RHOF: variants seen among roughly 807,000 people sequenced by gnomAD.
The protein encoded by RHOF is ras homolog family member F, filopodia associated, also known as rho-related GTP-binding protein RhoF.
RHOF carries 21 observed loss-of-function variants against 22.2 expected under a neutral mutation model. The ratio of observed to expected loss-of-function variants is 0.95; its 90% CI spans 0.67 to 1.36. The LOEUF (loss-of-function observed/expected upper bound fraction) is 1.36. RHOF is among the 40% of genes most tolerant of loss of function. RHOF has a pLI of 0.00. For missense variants in RHOF, 285 were observed against 293.7 expected (o/e 0.97, Z 0.22); for synonymous variants, 135 against 131.2 (o/e 1.03, Z -0.20).
chr12:121,791,110 G>T (rs1248536523), intron 2 of RHOF, among the ~76,000 whole-genome samples: 2 of 151,938 alleles, frequency 1.3e-5, no homozygotes, highest in Non-Finnish European at 2.9e-5. Flanking sequence ...CTGGCTTCAA[G>T]CAATCCTCCT....
At chr12:121,793,367 T>C in intron 1 of RHOF, 128 bp from the exon 2 acceptor site, 1 of 1,438,670 alleles carries the variant, frequency 7.0e-7, no homozygotes, top group South Asian at 1.2e-5. Context: ...GCTCTGGAAT[T>C]CCCGAGGGGG....
At chr12:121,791,065 G>T (rs1223445503) in intron 2 of RHOF, among the ~76,000 whole-genome samples, 1 of 151,684 alleles carries the variant, frequency 6.6e-6, no homozygotes, top group Admixed American at 6.6e-5. Context: ...GTAGAGACGG[G>T]GTTTCATCAT....
intron 2 of RHOF, among the ~76,000 whole-genome samples, chr12:121,788,962 C>T (rs1408799050): frequency 6.6e-6 from 1 of 152,170 alleles, no homozygotes; most frequent in Non-Finnish European, 1.5e-5. Context: ...GATACCATTA[C>T]CCTCCACATT....
rs1211854038 is a variant in RHOF at position 121,779,218 on chromosome 12, T to C, written c.*280A>G. ...ACTTGAGTCTGCACTGGGGAGACAC[T>C]CGTGGTGGGGGTGGCTGTGATGAGG... On this transcript the variant is annotated 3_prime_UTR_variant, in exon 5 of 5. Transcript: ENST00000267205. 1 of 492,386 alleles carries C rather than the reference T, an allele frequency of 2.0e-6. No homozygotes were observed. Among genetic ancestry groups the C allele is most frequent in the African/African-American group, 1.9e-5 (1 of 51,980 alleles). 30.5% of individuals were successfully genotyped at this position (492,386 alleles called of 1,614,324 possible).
At chr12:121,791,779 G>A (rs1469805381) in intron 2 of RHOF, among the ~76,000 whole-genome samples, 1 of 152,206 alleles carries the variant, frequency 6.6e-6, no homozygotes, top group Non-Finnish European at 1.5e-5. Flanking sequence ...GGCAGAGGAG[G>A]AGGAAAGAAA....
At chr12:121,789,093 G>A (rs1033452047) in intron 2 of RHOF, among the ~76,000 whole-genome samples, 2 of 152,144 alleles carry the variant, frequency 1.3e-5, no homozygotes, top group African/African-American at 4.8e-5. Flanking sequence ...GACCAGGCGT[G>A]GTGGCTCACA....
intron 2 of RHOF, among the ~76,000 whole-genome samples, chr12:121,789,735 G>T (rs1277274281): frequency 6.6e-6 from 1 of 152,186 alleles, no homozygotes. Context: ...GGCCTCCGGT[G>T]CTTCTGGGGC....
chr12:121,785,173 G>A (rs1874574057), intron 2 of RHOF, among the ~76,000 whole-genome samples: 1 of 152,172 alleles, frequency 6.6e-6, no homozygotes, highest in African/African-American at 2.4e-5. Flanking sequence ...TCACAGGCAG[G>A]TGGTGTCTCC....
Position 121,793,141 on chromosome 12 carries a change from G to C in RHOF, c.226+11C>G, listed in dbSNP as rs1874806836. On this transcript the variant is annotated intron_variant, in intron 2 of 4. Coordinates refer to ENST00000267205, the MANE Select transcript of RHOF (RefSeq NM_019034.3). Reference sequence around the variant, plus strand: ...GGACCCTCGGGCCCCCCGGCGCGCAGGCGCACTCACCGGCCGTGTCGTAGA... The same window carrying C: ...GGACCCTCGGGCCCCCCGGCGCGCACGCGCACTCACCGGCCGTGTCGTAGA... The C allele has an allele frequency of 3.2e-6, 5 of 1,548,820 alleles. No individual in the cohort carries two copies. The highest frequency in any genetic ancestry group is 3.5e-6 in the Non-Finnish European group (4 of 1,146,284).
chr12:121,786,507 G>A (rs139410481), intron 2 of RHOF, among the ~76,000 whole-genome samples: 13 of 152,316 alleles, frequency 8.5e-5, no homozygotes, highest in African/African-American at 2.4e-4. Flanking sequence ...GCCCCGGGGC[G>A]CTGGAGGCAG....
chr12:121,793,166 AGGTTCAGG>A lies in RHOF; in HGVS notation c.204_211del (p.Asn70ArgfsTer9). On this transcript the variant is annotated frameshift_variant, in exon 2 of 5. Coordinates refer to ENST00000267205, the MANE Select transcript of RHOF (RefSeq NM_019034.3). LOFTEE classifies it high-confidence loss of function. ...GGCGCACTCACCGGCCGTGTCGTAG[AGGTTCAGG>A]GTCACCTCCTTGCTGCCAACGGTCA... is the stretch of plus-strand genomic sequence containing the variant. 6.5e-7 allele frequency: 1 copy of A among 1,550,330 alleles called. No individual in the cohort carries two copies. Among genetic ancestry groups the A allele is most frequent in the East Asian group, 2.4e-5 (1 of 40,902 alleles).
intron 2 of RHOF, among the ~76,000 whole-genome samples, chr12:121,791,947 G>C (rs974956373): frequency 6.6e-6 from 1 of 152,176 alleles, no homozygotes; most frequent in East Asian, 1.9e-4. Context: ...TACTACCCCC[G>C]GGCCACGCCC....
At chr12:121,789,330 C>A (rs995510465) in intron 2 of RHOF, among the ~76,000 whole-genome samples, 6 of 152,094 alleles carry the variant, frequency 3.9e-5, no homozygotes, top group African/African-American at 1.4e-4. Context: ...CCTAGAGCCG[C>A]CCATCGTCCT....
Position 121,791,776 on chromosome 12 carries a change from G to C in RHOF, c.226+1376C>G, listed in dbSNP as rs541684682. 3.9e-5 allele frequency among the ~76,000 whole-genome samples: 6 copies of C among 152,354 alleles called. No homozygotes were observed. The South Asian group carries it at 1.0e-3, about 26-fold the overall frequency. ...GATAGGGGAGGCCCTGATGGCAGAGGAGGAGGAAAGAAAAAACCTCCTGAC... is the reference window on the plus strand; with the variant it reads ...GATAGGGGAGGCCCTGATGGCAGAGCAGGAGGAAAGAAAAAACCTCCTGAC... On this transcript the variant is annotated intron_variant, in intron 2 of 4. Coordinates refer to ENST00000267205, the MANE Select transcript of RHOF (RefSeq NM_019034.3).
rs1448120524 is a variant in RHOF at position 121,778,712 on chromosome 12, T to G, written c.*786A>C. The G allele has an allele frequency of 1.3e-5, 2 of 152,218 alleles. No homozygotes were observed. Among genetic ancestry groups the G allele is most frequent in the Non-Finnish European group, 1.5e-5 (1 of 68,084 alleles). 9.4% of individuals were successfully genotyped at this position (152,218 alleles called of 1,614,324 possible). On this transcript the variant is annotated 3_prime_UTR_variant, in exon 5 of 5. Coordinates refer to ENST00000267205, the MANE Select transcript of RHOF (RefSeq NM_019034.3). ...TTGAGGACTAAGTGGGCCAGTCCTG[T>G]CCTACCACAGTGGGGGGAACAGTCC...
chr12:121,782,165 C>T (rs538931213), intron 2 of RHOF: 1 of 152,250 alleles, frequency 6.6e-6, no homozygotes, highest in East Asian at 1.9e-4. Flanking sequence ...GGCACGGTAA[C>T]TGTAGACATC....
intron 2 of RHOF, among the ~76,000 whole-genome samples, chr12:121,790,580 G>A (rs1874739904): frequency 6.6e-6 from 1 of 152,224 alleles, no homozygotes; most frequent in African/African-American, 2.4e-5. Flanking sequence ...GGCACTCACT[G>A]ACCAGGGGAT....
At position 121,793,204 on chromosome 12, in the gene RHOF, G is replaced by A; in HGVS notation, c.174C>T (p.Ala58=). The stretch of plus-strand genomic sequence containing the variant: ...CCTCCTTGCTGCCAACGGTCACGCT[G>A]GCCGTGTACTTCTCGAACACCGATG... ...YAPSVFEKYT[A]SVTVGSKEVT... is the part of the protein sequence containing the mutation. The change falls in exon 2 of 5, where the codon GCC becomes GCT. Residue 58 remains alanine, a synonymous_variant. Coordinates refer to ENST00000267205, the MANE Select transcript of RHOF (RefSeq NM_019034.3). 2 of 1,550,942 alleles carry A rather than the reference G, an allele frequency of 1.3e-6. No individual in the cohort carries two copies. Among genetic ancestry groups the A allele is most frequent in the South Asian group, 2.4e-5 (2 of 84,064 alleles).
At position 121,789,194 on chromosome 12, in the gene RHOF, C is replaced by T. The variant is rs150227655; in HGVS notation, c.226+3958G>A. On this transcript the variant is annotated intron_variant, in intron 2 of 4. Transcript: ENST00000267205. ...GCAATGAGTTATGATCATGCTATGGCACTCCAGCCTGGGTGACAGAGCGAG... is the reference window on the plus strand; with the variant it reads ...GCAATGAGTTATGATCATGCTATGGTACTCCAGCCTGGGTGACAGAGCGAG... Among the ~76,000 whole-genome samples the T allele has an allele frequency of 3.0e-4, 45 of 152,246 alleles. No homozygotes were observed. The East Asian group carries it at 7.4e-3, about 25-fold the overall frequency.
Sources: gnomAD v4.1 joint callset for allele counts (sites outside exome capture counted in the v4.1 genomes callset) on GRCh38, gnomAD v4.1.1 for gene constraint, MANE v1.5 for transcripts, NCBI Gene and HGNC (gene_info 2026-07-23, HGNC 2026-07-21) for gene names.